Variants in SAMD15 observed in about 807,000 individuals in gnomAD.
SAMD15 encodes sterile alpha motif domain containing 15, also known as sterile alpha motif domain-containing protein 15.
In SAMD15, 37 loss-of-function variants were observed where a neutral mutation model predicts 50.5. That is an observed-to-expected ratio of 0.73 (90% CI 0.56 to 0.96). The LOEUF is 0.96. Ranked by LOEUF, SAMD15 falls within the 40% of genes least tolerant of loss-of-function variation. The pLI is 0.00. For missense variants in SAMD15, 789 were observed against 783.8 expected (o/e 1.01, Z -0.08); for synonymous variants, 255 against 282.8 (o/e 0.90, Z 0.99).
intron 2 of SAMD15, among the ~76,000 whole-genome samples, chr14:77,384,678 C>T (rs904591875): frequency 1.3e-5 from 2 of 152,074 alleles, no homozygotes; most frequent in Non-Finnish European, 2.9e-5. Flanking sequence ...CAGAATCAGC[C>T]ATGTTTCTAA....
rs768070400 is a variant in SAMD15, at chr14:77,378,988, GT to G, written c.1571del (p.Val524AlafsTer34). ...VDLSQELKERVSEDDETQPEK... is the reference protein window; with the variant it reads ...VDLSQELKERXSEDDETQPEK... ...TTTGTCCCAAGAGTTGAAGGAACGG[GT>G]CTCTGAAGATGACGAAACCCAGCCA... is the stretch of plus-strand genomic sequence containing the variant. On this transcript the variant is annotated frameshift_variant, in exon 1 of 3. Coordinates refer to ENST00000216471, the MANE Select transcript of SAMD15 (RefSeq NM_001010860.4). LOFTEE classifies it high-confidence loss of function. 2 of 1,614,204 alleles carry G rather than the reference GT, an allele frequency of 1.2e-6. No individual in the cohort carries two copies. The highest frequency in any genetic ancestry group is 1.7e-6 in the Non-Finnish European group (2 of 1,180,034).
Position 77,378,378 on chromosome 14 carries a change from T to C in SAMD15, c.960T>C (p.Ser320=). 1 of 1,613,720 alleles carries C rather than the reference T, an allele frequency of 6.2e-7. No individual in the cohort carries two copies. Among genetic ancestry groups the C allele is most frequent in the South Asian group, 1.1e-5 (1 of 90,976 alleles). The change falls in exon 1 of 3, where the codon TCT becomes TCC. Residue 320 remains serine, a synonymous_variant. Transcript: ENST00000216471. ...TTCCAGACCACAAGCCAAGAAAGTC[T>C]ACTGATGAGAACGTTCCTGAGCCAC... ...PDFPDHKPRK[S]TDENVPEPLE...
chr14:77,379,122 G>A lies in SAMD15; in HGVS notation c.1689+15G>A. On this transcript the variant is annotated intron_variant, in intron 1 of 2. Coordinates refer to ENST00000216471, the MANE Select transcript of SAMD15 (RefSeq NM_001010860.4). ...CTCAATACAAGGTATACAAAAATAAGATGTTTTGAAATCACATGCTGTCAT... is the reference window on the plus strand; with the variant it reads ...CTCAATACAAGGTATACAAAAATAAAATGTTTTGAAATCACATGCTGTCAT... 1.2e-6 allele frequency: 2 copies of A among 1,603,824 alleles called. No homozygotes were observed. Among genetic ancestry groups the A allele is most frequent in the South Asian group, 1.1e-5 (1 of 89,744 alleles).
chr14:77,388,747 T>C (rs752888964), intron 2 of SAMD15, among the ~76,000 whole-genome samples: 2 of 152,122 alleles, frequency 1.3e-5, no homozygotes, highest in Non-Finnish European at 2.9e-5. Context: ...TAGCTGGGAC[T>C]ACAGGCGTGC....
At chr14:77,387,611 T>A (rs1227671339) in intron 2 of SAMD15, among the ~76,000 whole-genome samples, 1 of 152,132 alleles carries the variant, frequency 6.6e-6, no homozygotes, top group African/African-American at 2.4e-5. Flanking sequence ...AATTGCTTTT[T>A]TTATGAAATT....
intron 2 of SAMD15, among the ~76,000 whole-genome samples, chr14:77,384,266 T>C (rs1420206049): frequency 6.6e-6 from 1 of 152,110 alleles, no homozygotes; most frequent in African/African-American, 2.4e-5. Flanking sequence ...ATTCTGGACA[T>C]GCTGCTAAGA....
intron 1 of SAMD15, 114 bp downstream of exon 1, chr14:77,379,221 A>T (rs1893913529): frequency 2.1e-6 from 2 of 952,958 alleles, no homozygotes; most frequent in Non-Finnish European, 3.2e-6. Context: ...AAAAAGTCCT[A>T]GACTGTGGTA....
chr14:77,382,973 A>G (rs552657497), intron 2 of SAMD15, among the ~76,000 whole-genome samples: 17 of 152,012 alleles, frequency 1.1e-4, no homozygotes, highest in African/African-American at 3.9e-4. Flanking sequence ...TCAGCCTCCC[A>G]AAGTGCTGGG....
intron 1 of SAMD15, among the ~76,000 whole-genome samples, 186 bp downstream of exon 1, chr14:77,379,293 A>T (rs1210070493): frequency 6.6e-6 from 1 of 152,186 alleles, no homozygotes; most frequent in Non-Finnish European, 1.5e-5. Context: ...TTGGGAGAGG[A>T]AGGGAGGGTC....
rs1407107727 is a variant in SAMD15 at position 77,378,438 on chromosome 14, A to G, written c.1020A>G (p.Glu340=). 1 of 1,614,016 alleles carries G rather than the reference A, an allele frequency of 6.2e-7. No homozygotes were observed. Among genetic ancestry groups the G allele is most frequent in the Non-Finnish European group, 8.5e-7 (1 of 1,179,980 alleles). Residue 340 remains glutamate, a synonymous_variant, in exon 1 of 3, where the codon GAA becomes GAG. Transcript: ENST00000216471. ...TCAAATTAGAGTTTCCTGAGGAAGA[A>G]TCAAGAAAAACAAATGAGGAAACAA... is the stretch of plus-strand genomic sequence containing the variant. The part of the protein sequence containing the change: ...EEIKLEFPEE[E]SRKTNEETIL...
At chr14:77,382,904 C>T (rs1893961394) in intron 2 of SAMD15, among the ~76,000 whole-genome samples, 1 of 150,518 alleles carries the variant, frequency 6.6e-6, no homozygotes. Context: ...TTAGTGGAGC[C>T]GGGGTTTCAC....
At chr14:77,380,956 T>C (rs1893936576) in intron 2 of SAMD15, among the ~76,000 whole-genome samples, 1 of 152,140 alleles carries the variant, frequency 6.6e-6, no homozygotes, top group South Asian at 2.1e-4. Context: ...CACATGAATT[T>C]TGTGCTCCAG....
chr14:77,385,277 CTTTTTTTTTCT>C (rs1566701368), intron 2 of SAMD15, among the ~76,000 whole-genome samples: 4 of 150,608 alleles, frequency 2.7e-5, no homozygotes, highest in Non-Finnish European at 5.9e-5. Context: ...CCCCACTTGC[CTTTTTTTTTCT>C]TTTTTCTTTT....
At chr14:77,381,595 G>A (rs1443147964) in intron 2 of SAMD15, among the ~76,000 whole-genome samples, 2 of 152,148 alleles carry the variant, frequency 1.3e-5, no homozygotes, top group Non-Finnish European at 2.9e-5. Context: ...GGCTGGGTAG[G>A]CCCTGGAATC....
chr14:77,391,667 T>C lies in SAMD15; in HGVS notation c.*423T>C, dbSNP rs1284603138. On this transcript the variant is annotated 3_prime_UTR_variant, in exon 3 of 3. Coordinates refer to ENST00000216471, the MANE Select transcript of SAMD15 (RefSeq NM_001010860.4). The stretch of plus-strand genomic sequence containing the variant: ...TTAGAACTGCTGGCTTCATTCCTAG[T>C]TGTGTCTCTGACTTATGGTACCCTC... 6.6e-6 allele frequency among the ~76,000 whole-genome samples: 1 copy of C among 152,210 alleles called. No individual in the cohort carries two copies. The highest frequency in any genetic ancestry group is 1.9e-4 in the East Asian group (1 of 5,200).
In SAMD15 at chr14:77,391,095, G is replaced by T; in HGVS notation, c.1876G>T (p.Gly626Cys). 6.2e-7 allele frequency: 1 copy of T among 1,613,844 alleles called. No homozygotes were observed. Among genetic ancestry groups the T allele is most frequent in the Non-Finnish European group, 8.5e-7 (1 of 1,179,826 alleles). ...SISLPYRDIIGLYLEQKGHTG... is the reference protein window; with the variant it reads ...SISLPYRDIICLYLEQKGHTG... ...CAGCCTTCCCTATAGGGATATTATCGGCTTATATTTAGAGCAAAAAGGTCA... is the reference window on the plus strand; with the variant it reads ...CAGCCTTCCCTATAGGGATATTATCTGCTTATATTTAGAGCAAAAAGGTCA... Residue 626 changes from glycine (G) to cysteine (C), a missense_variant, in exon 3 of 3, where the codon GGC (glycine) becomes TGC (cysteine). Transcript: ENST00000216471.
At position 77,378,190 on chromosome 14, in the gene SAMD15, G is replaced by C; in HGVS notation, c.772G>C (p.Glu258Gln). ...STEKKRTEPP[E>Q]QARLEFLEKE... ...TGAGAAGAAAAGGACAGAGCCACCC[G>C]AGCAGGCTAGACTGGAATTTCTGGA... Residue 258 changes from glutamate to glutamine, a missense_variant, in exon 1 of 3, where the codon GAG (glutamate) becomes CAG (glutamine). This residue lies in a region of SAMD15 where 770 missense variants were observed against 745.4 expected (regional missense o/e 1.03). Coordinates refer to ENST00000216471, the MANE Select transcript of SAMD15 (RefSeq NM_001010860.4). 3.7e-6 allele frequency: 6 copies of C among 1,614,060 alleles called. No homozygotes were observed. Among genetic ancestry groups the C allele is most frequent in the Non-Finnish European group, 5.1e-6 (6 of 1,180,000 alleles).
Position 77,378,200 on chromosome 14 carries a change from G to T in SAMD15, c.782G>T (p.Arg261Ile). ...KKRTEPPEQA[R>I]LEFLEKEPRK... ...AGGACAGAGCCACCCGAGCAGGCTA[G>T]ACTGGAATTTCTGGAGAAGGAACCA... Residue 261 changes from arginine (R) to isoleucine (I), a missense_variant, in exon 1 of 3, where the codon AGA (arginine) becomes ATA (isoleucine). Physicochemically the swap from Arg to Ile is moderately conservative, Grantham distance 97 (BLOSUM62 -3). Coordinates refer to ENST00000216471, the MANE Select transcript of SAMD15 (RefSeq NM_001010860.4). 2 of 1,614,014 alleles carry T rather than the reference G, an allele frequency of 1.2e-6. No homozygotes were observed. The highest frequency in any genetic ancestry group is 1.7e-6 in the Non-Finnish European group (2 of 1,180,006).
At position 77,378,362 on chromosome 14, in the gene SAMD15, A is replaced by G. The variant is rs1410893820; in HGVS notation, c.944A>G (p.His315Arg). 6.8e-6 allele frequency: 11 copies of G among 1,613,202 alleles called. No individual in the cohort carries two copies. The highest frequency in any genetic ancestry group is 9.3e-6 in the Non-Finnish European group (11 of 1,179,852). The change falls in exon 1 of 3, where the codon CAC becomes CGC. Residue 315 changes from histidine to arginine, a missense_variant. This residue lies in a region of SAMD15 where 770 missense variants were observed against 745.4 expected (regional missense o/e 1.03). Coordinates refer to ENST00000216471, the MANE Select transcript of SAMD15 (RefSeq NM_001010860.4). Reference sequence around the variant, plus strand: ...CGGACTAAACCAGACTTTCCAGACCACAAGCCAAGAAAGTCTACTGATGAG... The same window carrying G: ...CGGACTAAACCAGACTTTCCAGACCGCAAGCCAAGAAAGTCTACTGATGAG... ...PERTKPDFPD[H>R]KPRKSTDENV...
Sources: allele counts gnomAD v4.1 joint callset (sites outside exome capture counted in the v4.1 genomes callset), GRCh38; gene constraint gnomAD v4.1.1; regional missense constraint gnomAD v4.1.1; transcripts MANE v1.5; gene names NCBI Gene and HGNC (gene_info 2026-07-23, HGNC 2026-07-21).